MBTPS2: variants seen among roughly 807,000 people sequenced by gnomAD.
The protein encoded by MBTPS2 is membrane-bound transcription factor site-2 protease.
MBTPS2 carries 2 observed loss-of-function variants against 35.4 expected under a neutral mutation model. That is an observed-to-expected ratio of 0.06 (90% confidence interval 0.02 to 0.18). The LOEUF is 0.18. MBTPS2 is among the 10% of genes least tolerant of loss of function. The probability of loss-of-function intolerance (pLI) is 1.00; values close to 1 mark genes in which losing one functional copy is unlikely to be tolerated. For missense variants in MBTPS2, 244 were observed against 386.5 expected, an observed-to-expected ratio of 0.63 and a Z score of 3.09; for synonymous variants, 125 against 140.4, an observed-to-expected ratio of 0.89 and a Z score of 0.77.
intron 5 of MBTPS2, among the ~76,000 whole-genome samples, chrX:21,863,263 CAA>C (rs58548977): frequency 0.01 from 585 of 57,530 alleles, 5 homozygotes; most frequent in African/African-American, 0.031. Context: ...GAGACTGTCT[CAA>C]AAAAAAAAAA....
chrX:21,877,380 T>A (rs1405284582), intron 7 of MBTPS2, among the ~76,000 whole-genome samples: 1 of 111,950 alleles, frequency 8.9e-6, no homozygotes, highest in Non-Finnish European at 1.9e-5. Flanking sequence ...AGGTGGAGGT[T>A]ACAGTGAGCA....
intron 2 of MBTPS2, among the ~76,000 whole-genome samples, 193 bp from the exon 3 acceptor site, chrX:21,844,978 A>G (rs1172117736): frequency 4.4e-5 from 5 of 112,593 alleles, no homozygotes. Flanking sequence ...AGAGAATTAT[A>G]AATTATAAAA....
intron 5 of MBTPS2, chrX:21,857,531 C>G: frequency 8.3e-6 from 10 of 1,212,021 alleles, no homozygotes; most frequent in Non-Finnish European, 1.1e-5. Context: ...ATGTTTGCAA[C>G]AGGAAGTTCG....
At chrX:21,853,223 A>G (rs1280752675) in intron 4 of MBTPS2, among the ~76,000 whole-genome samples, 153 bp from the exon 5 acceptor site, 1 of 111,215 alleles carries the variant, frequency 9.0e-6, no homozygotes, top group Non-Finnish European at 1.9e-5. Flanking sequence ...GATTATATAT[A>G]GTATAGATAT....
rs191101338 is a variant in MBTPS2, at chrX:21,867,127, A to C, written c.671-1340A>C. Among the ~76,000 whole-genome samples, 800 of 112,479 alleles carry C rather than the reference A, an allele frequency of 7.1e-3. 2 individuals are homozygous for C. The highest frequency in any genetic ancestry group is 0.012 in the Non-Finnish European group (638 of 53,290). On this transcript the variant is annotated intron_variant, in intron 5 of 10. Transcript: ENST00000379484. ...AAAGGATAAGGGGAGAATAACCAAA[A>C]TAAACAAATTGAAAGTATTTATTTA...
Position 21,883,028 on chromosome X carries a change from C to T in MBTPS2, c.*373C>T, listed in dbSNP as rs41297319. On this transcript the variant is annotated 3_prime_UTR_variant, in exon 11 of 11. Transcript: ENST00000379484. ...AATTGGGAAAAACTTCTTACAAAAG[C>T]ATCATTAATCAAAATTTGAAGGAGA... The T allele has an allele frequency of 3.0e-3, 2,469 of 823,672 alleles. 4 individuals are homozygous for T. The highest frequency in any genetic ancestry group is 3.4e-3 in the Non-Finnish European group (2,317 of 682,124). The allele number at this position is 823,672 out of a possible 1,213,427, so 67.9% of individuals were successfully genotyped here.
At chrX:21,865,187 G>A (rs2092938136) in intron 5 of MBTPS2, among the ~76,000 whole-genome samples, 1 of 107,128 alleles carries the variant, frequency 9.3e-6, no homozygotes, top group African/African-American at 3.4e-5. Flanking sequence ...ACCACACGGG[G>A]CTATTTCTTT....
chrX:21,885,080 T>A lies in MBTPS2; in HGVS notation c.*2425T>A, dbSNP rs1398774734. 4 of 750,035 alleles carry A rather than the reference T, an allele frequency of 5.3e-6. No homozygotes were observed. Among genetic ancestry groups the A allele is most frequent in the East Asian group, 1.5e-4 (1 of 6,663 alleles). 61.8% of individuals were successfully genotyped at this position (750,035 alleles called of 1,213,427 possible). On this transcript the variant is annotated 3_prime_UTR_variant, in exon 11 of 11. Coordinates refer to ENST00000379484, the MANE Select transcript of MBTPS2 (RefSeq NM_015884.4). The stretch of plus-strand genomic sequence containing the variant: ...TGTTTACATTTTTGACAGTTTTTTT[T>A]AATCACCTACAATCTGTAAAGAATG...
At chrX:21,866,343 G>T (rs2092939779) in intron 5 of MBTPS2, among the ~76,000 whole-genome samples, 1 of 111,213 alleles carries the variant, frequency 9.0e-6, no homozygotes, top group Non-Finnish European at 1.9e-5. Context: ...GGAAGGAAAA[G>T]ATGAGGTATG....
At chrX:21,856,280 C>CGCGCCTTTCTCTGCAGCTT (rs1420139650) in intron 5 of MBTPS2, 1 of 285,289 alleles carries the variant, frequency 3.5e-6, no homozygotes, top group Non-Finnish European at 5.7e-6. Flanking sequence ...TCCTCAGTCT[C>CGCGCCTTTCTCTGCAGCTT]GCGCCTTTCT....
intron 5 of MBTPS2, chrX:21,858,254 A>G (rs2092926388): frequency 8.1e-6 from 1 of 123,765 alleles, no homozygotes; most frequent in South Asian, 3.6e-4. Context: ...GTACTAGTTT[A>G]AACCTATTTT....
At chrX:21,869,476 T>G (rs1442816598) in intron 6 of MBTPS2, 22 bp from the exon 7 acceptor site, 2 of 1,179,440 alleles carry the variant, frequency 1.7e-6, no homozygotes, top group Non-Finnish European at 2.3e-6. Flanking sequence ...ATTATCTGAT[T>G]TGGTTTTACC....
intron 6 of MBTPS2, 71 bp downstream of exon 6, chrX:21,868,656 AC>A (rs1426645753): frequency 2.7e-6 from 2 of 741,394 alleles, no homozygotes; most frequent in Non-Finnish European, 4.3e-6. Context: ...CTATTCAGAA[AC>A]TTTTATTCAA....
At chrX:21,881,436 T>C (rs1419646308) in intron 10 of MBTPS2, among the ~76,000 whole-genome samples, 1 of 111,646 alleles carries the variant, frequency 9.0e-6, no homozygotes, top group Non-Finnish European at 1.9e-5. Flanking sequence ...GAGGGCCAAA[T>C]CTTATTGTGG....
chrX:21,863,858 A>G (rs774032975), intron 5 of MBTPS2, among the ~76,000 whole-genome samples: 9 of 111,876 alleles, frequency 8.0e-5, no homozygotes, highest in Non-Finnish European at 1.5e-4. Context: ...TTTCCCAGGC[A>G]AGGGGGCAAG....
intron 1 of MBTPS2, 24 bp downstream of exon 1, chrX:21,839,833 C>T: frequency 8.6e-7 from 1 of 1,168,163 alleles, no homozygotes; most frequent in African/African-American, 1.8e-5. Context: ...GCCTAAGGTC[C>T]AAGCCCGCGG....
At chrX:21,856,281 GCGCCTTTCTCTGCAGC>G in intron 5 of MBTPS2, 1 of 277,451 alleles carries the variant, frequency 3.6e-6, no homozygotes, top group Non-Finnish European at 5.8e-6. Context: ...CCTCAGTCTC[GCGCCTTTCTCTGCAGC>G]TCGCGCCTTT....
At chrX:21,865,348 T>G (rs1281440231) in intron 5 of MBTPS2, among the ~76,000 whole-genome samples, 1 of 111,811 alleles carries the variant, frequency 8.9e-6, no homozygotes, top group Non-Finnish European at 1.9e-5. Context: ...TTATGGTGTA[T>G]AGAATTTTTA....
chrX:21,852,600 T>C (rs749339326), intron 4 of MBTPS2, among the ~76,000 whole-genome samples: 1 of 110,369 alleles, frequency 9.1e-6, no homozygotes, highest in Non-Finnish European at 1.9e-5. Context: ...ATTTACAGTA[T>C]GTTTGTAAAA....
Sources: allele counts gnomAD v4.1 joint callset (sites outside exome capture counted in the v4.1 genomes callset), GRCh38; gene constraint gnomAD v4.1.1; transcripts MANE v1.5; gene names NCBI Gene and HGNC (gene_info 2026-07-23, HGNC 2026-07-21).